PRSS23: variants seen among roughly 807,000 people sequenced by gnomAD.
PRSS23 encodes the protein protease, serine 23.
PRSS23 carries 25 observed loss-of-function variants against 34.7 expected under a neutral mutation model. That is an observed-to-expected ratio of 0.72 (90% CI 0.53 to 1.01). The LOEUF is 1.01. Ranked by LOEUF, PRSS23 falls within the 50% of genes least tolerant of loss-of-function variation. The pLI, the probability that PRSS23 is intolerant of heterozygous loss-of-function variation, is 0.00. For missense variants in PRSS23, 445 were observed against 475.6 expected (o/e 0.94, Z 0.60); for synonymous variants, 176 against 186.6 (o/e 0.94, Z 0.46).
rs530864053 is a variant in PRSS23, at chr11:86,882,602, T to C, written c.206+59009T>C. On this transcript the variant is annotated intron_variant, in intron 2 of 2. Transcript: ENST00000533902. ...GTACCATATTTTATCTAGTCTGTCA[T>C]TGACAGGCATTTAGGTTGATTCCAT... is the stretch of plus-strand genomic sequence containing the variant. 2.6e-4 allele frequency among the ~76,000 whole-genome samples: 40 copies of C among 152,334 alleles called. 1 individual carries two copies. Among genetic ancestry groups the C allele is most frequent in the African/African-American group, 9.4e-4 (39 of 41,584 alleles).
chr11:86,804,102 A>T (rs1184269106), intron 1 of PRSS23, among the ~76,000 whole-genome samples: 3 of 152,180 alleles, frequency 2.0e-5, no homozygotes. Flanking sequence ...CAGCTAAAGC[A>T]ATCATCTGGT....
At chr11:86,852,602 T>C (rs916902889) in intron 2 of PRSS23, among the ~76,000 whole-genome samples, 3 of 152,210 alleles carry the variant, frequency 2.0e-5, no homozygotes, top group African/African-American at 7.2e-5. Context: ...ATGGCCAGTA[T>C]AAACATTTAC....
At chr11:86,792,593 G>A (rs1195042995) in intron 1 of PRSS23, among the ~76,000 whole-genome samples, 2 of 152,172 alleles carry the variant, frequency 1.3e-5, no homozygotes, top group Non-Finnish European at 2.9e-5. Flanking sequence ...CAACAGTAGG[G>A]GAGGAGAAAC....
At chr11:86,860,335 G>T (rs894377397) in intron 2 of PRSS23, among the ~76,000 whole-genome samples, 1 of 151,896 alleles carries the variant, frequency 6.6e-6, no homozygotes, top group Non-Finnish European at 1.5e-5. Context: ...TAGGGAGAGG[G>T]TGATATTACT....
chr11:86,869,934 TACTC>T (rs1380204177), intron 2 of PRSS23, among the ~76,000 whole-genome samples: 1 of 152,194 alleles, frequency 6.6e-6, no homozygotes. Context: ...AAGTGAGTGG[TACTC>T]ACAGAGTTTA....
At chr11:86,925,465 G>C (rs1332379746) in intron 2 of PRSS23, among the ~76,000 whole-genome samples, 1 of 152,098 alleles carries the variant, frequency 6.6e-6, no homozygotes, top group Admixed American at 6.6e-5. Context: ...ATAGTAGCAG[G>C]GTTGCCATGA....
At chr11:86,825,219 T>C (rs1349987933) in intron 2 of PRSS23, among the ~76,000 whole-genome samples, 1 of 152,022 alleles carries the variant, frequency 6.6e-6, no homozygotes, top group East Asian at 1.9e-4. Flanking sequence ...TTTGCATTTC[T>C]CTGATGGCCA....
intron 2 of PRSS23, chr11:86,832,615 C>A (rs1948367425): frequency 4.0e-6 from 2 of 494,284 alleles, no homozygotes; most frequent in South Asian, 3.0e-5. Context: ...TGGGGGTGAT[C>A]ACCGTGTACA....
intron 2 of PRSS23, chr11:86,925,011 C>T (rs1315149314): frequency 6.6e-6 from 1 of 152,220 alleles, no homozygotes; most frequent in Non-Finnish European, 1.5e-5. Context: ...CCTTCTTTAG[C>T]ACAAGCCGCC....
chr11:86,836,196 C>T (rs183462977), intron 2 of PRSS23, among the ~76,000 whole-genome samples: 75 of 152,248 alleles, frequency 4.9e-4, no homozygotes, highest in African/African-American at 1.7e-3. Flanking sequence ...CTTGCACTAA[C>T]CTCCACTGTC....
chr11:86,812,451 G>T (rs1948185311), downstream of PRSS23, among the ~76,000 whole-genome samples: 1 of 152,196 alleles, frequency 6.6e-6, no homozygotes, highest in Non-Finnish European at 1.5e-5. Context: ...TTAGTCTGGG[G>T]TTCCCCCCGG....
chr11:86,872,824 C>T (rs1297674631), intron 2 of PRSS23, among the ~76,000 whole-genome samples: 1 of 152,082 alleles, frequency 6.6e-6, no homozygotes, highest in Non-Finnish European at 1.5e-5. Flanking sequence ...TACTAAATGA[C>T]CTTGAGTAAG....
chr11:86,904,187 C>T (rs1948928287), intron 2 of PRSS23, among the ~76,000 whole-genome samples: 1 of 152,144 alleles, frequency 6.6e-6, no homozygotes, highest in African/African-American at 2.4e-5. Flanking sequence ...CCACTGTGGA[C>T]CCAGGTTGAA....
chr11:86,930,028 C>T (rs963114618), intron 2 of PRSS23, among the ~76,000 whole-genome samples: 1 of 151,676 alleles, frequency 6.6e-6, no homozygotes, highest in African/African-American at 2.4e-5. Flanking sequence ...TTGTTATTTG[C>T]TAATATATAC....
intron 2 of PRSS23, among the ~76,000 whole-genome samples, chr11:86,867,064 G>A (rs1948654177): frequency 1.3e-5 from 2 of 152,196 alleles, no homozygotes. Flanking sequence ...AAGAGACTCA[G>A]TACATCAGTG....
chr11:86,950,929 CT>C, intron 2 of PRSS23: 1 of 619,294 alleles, frequency 1.6e-6, no homozygotes, highest in Non-Finnish European at 2.9e-6. Context: ...CTCTAACTGG[CT>C]TTTCCATTTT....
chr11:86,814,532 GT>G (rs1219537478), downstream of PRSS23, among the ~76,000 whole-genome samples: 23 of 152,198 alleles, frequency 1.5e-4, no homozygotes, highest in Non-Finnish European at 2.9e-5. Flanking sequence ...TTCAGGTTAT[GT>G]TTAGAAATGT....
intron 2 of PRSS23, among the ~76,000 whole-genome samples, chr11:86,902,070 A>T (rs1366380717): frequency 1.3e-5 from 2 of 152,184 alleles, no homozygotes; most frequent in African/African-American, 4.8e-5. Flanking sequence ...TTGTCAATTC[A>T]TGTCTACTGA....
intron 2 of PRSS23, among the ~76,000 whole-genome samples, chr11:86,929,851 A>T (rs1412559350): frequency 4.6e-5 from 7 of 152,196 alleles, no homozygotes; most frequent in Admixed American, 4.6e-4. Flanking sequence ...GGCATCAATG[A>T]CAGAAAATGA....
Sources: gnomAD v4.1 joint callset for allele counts (sites outside exome capture counted in the v4.1 genomes callset) on GRCh38, gnomAD v4.1.1 for gene constraint, MANE v1.5 for transcripts, NCBI Gene and HGNC (gene_info 2026-07-23, HGNC 2026-07-21) for gene names.